The following TLE4 variants were observed in gnomAD, a reference collection of about 807,000 sequenced individuals.
TLE4 encodes TLE family member 4, transcriptional corepressor, also known as transducin-like enhancer protein 4.
TLE4 carries 8 observed loss-of-function variants against 92.8 expected under a neutral mutation model. The observed-to-expected ratio is 0.09, with a 90% CI of 0.05 to 0.16. The LOEUF is 0.16. Among genes scored for constraint, TLE4 ranks in the 10% least tolerant of loss-of-function variants. The pLI is 1.00. For synonymous variants in TLE4, 371 were observed against 374.1 expected (o/e 0.99, Z 0.10); for missense variants, 675 against 997.6 (o/e 0.68, Z 4.36).
chr9:79,598,075 G>GAAAAA (rs748860967), intron 4 of TLE4, among the ~76,000 whole-genome samples: 40 of 65,738 alleles, frequency 6.1e-4, no homozygotes, highest in Non-Finnish European at 7.0e-4. Context: ...TACTGAAAAA[G>GAAAAA]AAAAAAAAAA....
At chr9:79,636,763 T>C (rs2055956107) in intron 6 of TLE4, among the ~76,000 whole-genome samples, 1 of 152,204 alleles carries the variant, frequency 6.6e-6, no homozygotes, top group Non-Finnish European at 1.5e-5. Flanking sequence ...CTTGACTAGC[T>C]AGTGAAATCT....
At chr9:79,609,320 A>C (rs914302563) in intron 4 of TLE4, among the ~76,000 whole-genome samples, 1 of 152,104 alleles carries the variant, frequency 6.6e-6, no homozygotes, top group Non-Finnish European at 1.5e-5. Context: ...TGCGTAGCCA[A>C]GGGATTTTCG....
At chr9:79,638,887 T>C (rs1177191374) in intron 6 of TLE4, among the ~76,000 whole-genome samples, 4 of 152,210 alleles carry the variant, frequency 2.6e-5, no homozygotes, top group Admixed American at 6.5e-5. Context: ...AGGCAGGCTT[T>C]GTTGTTTGTT....
At chr9:79,641,467 A>G (rs2057133080) in intron 6 of TLE4, among the ~76,000 whole-genome samples, 1 of 152,196 alleles carries the variant, frequency 6.6e-6, no homozygotes, top group South Asian at 2.1e-4. Flanking sequence ...TAGTGTGCAC[A>G]GCCTGATTCC....
intron 8 of TLE4, among the ~76,000 whole-genome samples, chr9:79,664,092 G>T (rs1480109849): frequency 6.6e-6 from 1 of 152,184 alleles, no homozygotes; most frequent in Non-Finnish European, 1.5e-5. Flanking sequence ...ACTCGGGCTT[G>T]TGCCTGTGAC....
chr9:79,710,594 C>T (rs1472534710), intron 14 of TLE4, among the ~76,000 whole-genome samples: 1 of 152,162 alleles, frequency 6.6e-6, no homozygotes, highest in African/African-American at 2.4e-5. Flanking sequence ...CCAGAGGCTT[C>T]CCTGGTAGCT....
Position 79,708,780 on chromosome 9 carries a change from A to G in TLE4, c.1257A>G (p.Ser419=). Residue 419 remains serine (S), a synonymous_variant, in exon 13 of 20, where the codon TCA becomes TCG. Transcript: ENST00000376552. The part of the protein sequence containing the change: ...AAAAAAAYGR[S]PVVGFDPHHH... ...CTGCTGCTGCTGCCTATGGGAGATC[A>G]CCAGTGGTGCGTTTGTGAGCTTCAC... 6.2e-7 allele frequency: 1 copy of G among 1,604,212 alleles called. No individual in the cohort carries two copies. The highest frequency in any genetic ancestry group is 8.5e-7 in the Non-Finnish European group (1 of 1,179,386).
intron 3 of TLE4, 76 bp from the exon 4 acceptor site, chr9:79,576,057 C>A: frequency 9.9e-7 from 1 of 1,009,128 alleles, no homozygotes; most frequent in Admixed American, 2.8e-5. Flanking sequence ...TTCAGATTTA[C>A]TTGGGGCATT....
rs552351258 is a variant in TLE4, at chr9:79,607,145, T to G, written c.253-5511T>G. Among the ~76,000 whole-genome samples, 8 of 152,360 alleles carry G rather than the reference T, an allele frequency of 5.3e-5. No individual in the cohort carries two copies. The East Asian group carries it at 1.3e-3, about 26-fold the overall frequency. ...GACCAGTGATGAGCATTTTTTCATATGTCTGTTGACTGCATAAATGTCTTC... is the reference window on the plus strand; with the variant it reads ...GACCAGTGATGAGCATTTTTTCATAGGTCTGTTGACTGCATAAATGTCTTC... On this transcript the variant is annotated intron_variant, in intron 4 of 19. Transcript: ENST00000376552.
intron 6 of TLE4, among the ~76,000 whole-genome samples, chr9:79,635,084 T>C (rs570871197): frequency 7.2e-5 from 11 of 152,318 alleles, no homozygotes; most frequent in African/African-American, 2.4e-4. Flanking sequence ...GCAGTTTCAC[T>C]AATATATTAC....
chr9:79,599,399 T>C (rs986609192), intron 4 of TLE4, among the ~76,000 whole-genome samples: 4 of 152,150 alleles, frequency 2.6e-5, no homozygotes, highest in Non-Finnish European at 5.9e-5. Flanking sequence ...CTTTGGAGAT[T>C]GTGAGTTAAT....
intron 4 of TLE4, among the ~76,000 whole-genome samples, chr9:79,604,390 C>T (rs2046349614): frequency 6.6e-6 from 1 of 152,076 alleles, no homozygotes; most frequent in Non-Finnish European, 1.5e-5. Context: ...AGTGGTATCT[C>T]AGTAAACAGG....
At chr9:79,583,029 G>T (rs1332943268) in intron 4 of TLE4, among the ~76,000 whole-genome samples, 1 of 152,140 alleles carries the variant, frequency 6.6e-6, no homozygotes. Context: ...AGAAGTTTTA[G>T]TCAGAAGCAA....
chr9:79,635,112 C>T (rs1409188304), intron 6 of TLE4, among the ~76,000 whole-genome samples: 1 of 152,118 alleles, frequency 6.6e-6, no homozygotes, highest in African/African-American at 2.4e-5. Flanking sequence ...AAAACCTTTC[C>T]TCTACATCTT....
chr9:79,679,897 T>C (rs896024943), intron 8 of TLE4, among the ~76,000 whole-genome samples: 3 of 152,148 alleles, frequency 2.0e-5, no homozygotes, highest in Non-Finnish European at 4.4e-5. Flanking sequence ...TGCTTGTTTT[T>C]CTCAGGTTTG....
chr9:79,601,565 T>G, intron 4 of TLE4: 1 of 438,962 alleles, frequency 2.3e-6, no homozygotes. Context: ...TTACATGATT[T>G]GTGGTTAGTG....
chr9:79,721,718 T>C, intron 16 of TLE4, 23 bp from the exon 17 acceptor site: 1 of 1,613,824 alleles, frequency 6.2e-7, no homozygotes, highest in South Asian at 1.1e-5. Context: ...TCAAGGGCTT[T>C]CCCTCCATTT....
At chr9:79,681,858 G>GTGTGTGTA (rs1564878385) in intron 8 of TLE4, among the ~76,000 whole-genome samples, 1 of 143,438 alleles carries the variant, frequency 7.0e-6, no homozygotes. Context: ...GTGTGTGTGT[G>GTGTGTGTA]TGTGTATGTG....
chr9:79,665,332 G>A (rs571812150), intron 8 of TLE4, among the ~76,000 whole-genome samples: 4 of 152,250 alleles, frequency 2.6e-5, no homozygotes, highest in African/African-American at 9.6e-5. Flanking sequence ...TACTGCATTG[G>A]GGGTGCACAG....
Sources: gnomAD v4.1 joint callset for allele counts (sites outside exome capture counted in the v4.1 genomes callset) on GRCh38, gnomAD v4.1.1 for gene constraint, MANE v1.5 for transcripts, NCBI Gene and HGNC (gene_info 2026-07-23, HGNC 2026-07-21) for gene names.